The following MGAT4C variants were observed in gnomAD, a reference collection of about 807,000 sequenced individuals.
The protein encoded by MGAT4C is alpha-1,3-mannosyl-glycoprotein 4-beta-N-acetylglucosaminyltransferase C.
Under a neutral mutation model 40.1 loss-of-function variants are expected in MGAT4C, and 19 were observed. That is an observed-to-expected ratio of 0.47 (90% CI 0.33 to 0.70). The LOEUF is 0.70. Among genes scored for constraint, MGAT4C ranks in the 30% least tolerant of loss-of-function variants. The probability of loss-of-function intolerance (pLI) is 0.02; values close to 1 mark genes in which losing one functional copy is unlikely to be tolerated. For synonymous variants in MGAT4C, 181 were observed against 187.1 expected (o/e 0.97, Z 0.27); for missense variants, 491 against 563.2 (o/e 0.87, Z 1.30).
chr12:86,686,428 C>T (rs887760779), intron 2 of MGAT4C, among the ~76,000 whole-genome samples: 3 of 152,106 alleles, frequency 2.0e-5, no homozygotes, highest in Non-Finnish European at 2.9e-5. Context: ...TTCAAAGTGA[C>T]TCCTTCCAGT....
intron 1 of MGAT4C, among the ~76,000 whole-genome samples, chr12:86,207,090 C>T (rs1950285746): frequency 1.5e-5 from 2 of 137,342 alleles, no homozygotes; most frequent in Admixed American, 1.6e-4. Flanking sequence ...TAAACAGAAC[C>T]TATGTTGGAC....
intron 2 of MGAT4C, among the ~76,000 whole-genome samples, chr12:86,574,701 A>T (rs1960494037): frequency 6.6e-6 from 1 of 151,790 alleles, no homozygotes; most frequent in African/African-American, 2.4e-5. Context: ...TCCTCATTTA[A>T]GCTAGTAATA....
intron 2 of MGAT4C, among the ~76,000 whole-genome samples, chr12:86,707,584 G>A (rs897212500): frequency 1.3e-5 from 2 of 150,156 alleles, no homozygotes; most frequent in Non-Finnish European, 1.5e-5. Context: ...ATGCTGAAGT[G>A]CAGTGGCACA....
At position 85,958,801 on chromosome 12, in the gene MGAT4C, T is replaced by TC. The variant is rs1272616089; in HGVS notation, c.*20487dup. 3 of 152,068 alleles carry TC rather than the reference T, an allele frequency of 2.0e-5. No individual in the cohort carries two copies. The highest frequency in any genetic ancestry group is 4.4e-5 in the Non-Finnish European group (3 of 67,990). The allele number at this position is 152,068 out of a possible 1,614,324, so 9.4% of individuals were successfully genotyped here. On this transcript the variant is annotated 3_prime_UTR_variant, in exon 5 of 5. Coordinates refer to ENST00000611864, the MANE Select transcript of MGAT4C (RefSeq NM_001351288.2). Reference sequence around the variant, plus strand: ...AGCTCCTTCAAAAACATAAATGTATTCTTTAGAGAGTTAAAAAAAGTAGCA... The same window carrying TC: ...AGCTCCTTCAAAAACATAAATGTATTCCTTTAGAGAGTTAAAAAAAGTAGCA...
At chr12:86,355,984 G>A (rs891933716) in intron 3 of MGAT4C, among the ~76,000 whole-genome samples, 3 of 151,968 alleles carry the variant, frequency 2.0e-5, no homozygotes, top group Non-Finnish European at 4.4e-5. Flanking sequence ...CCACAAAGAG[G>A]GGGTTGCATA....
chr12:86,029,538 T>C (rs911107841), intron 2 of MGAT4C, among the ~76,000 whole-genome samples: 2 of 151,976 alleles, frequency 1.3e-5, no homozygotes, highest in African/African-American at 4.8e-5. Context: ...CACAATTTCC[T>C]GCCTTAAAGA....
chr12:86,515,708 C>T (rs952061622), intron 2 of MGAT4C, among the ~76,000 whole-genome samples: 1 of 151,674 alleles, frequency 6.6e-6, no homozygotes, highest in African/African-American at 2.4e-5. Flanking sequence ...TGGCAATACT[C>T]CTAAATTGTT....
At chr12:86,352,515 A>G (rs1955185792) in intron 3 of MGAT4C, among the ~76,000 whole-genome samples, 1 of 152,066 alleles carries the variant, frequency 6.6e-6, no homozygotes, top group Non-Finnish European at 1.5e-5. Flanking sequence ...AGATTGATTT[A>G]TTTTCAATTA....
At chr12:86,359,916 T>C (rs1955418053) in intron 3 of MGAT4C, among the ~76,000 whole-genome samples, 1 of 152,192 alleles carries the variant, frequency 6.6e-6, no homozygotes, top group Admixed American at 6.5e-5. Context: ...GAGGAGCTGG[T>C]ACCATTCCTT....
chr12:86,798,377 A>G (rs760809870), intron 1 of MGAT4C, among the ~76,000 whole-genome samples: 9 of 151,886 alleles, frequency 5.9e-5, no homozygotes, highest in Non-Finnish European at 1.3e-4. Context: ...TTTCGACTTA[A>G]TGTTCTAGAT....
intron 3 of MGAT4C, among the ~76,000 whole-genome samples, chr12:86,360,209 A>T (rs2136200727): frequency 6.6e-6 from 1 of 152,318 alleles, no homozygotes; most frequent in East Asian, 1.9e-4. Flanking sequence ...GTAATCCATC[A>T]TAAAAACAGA....
intron 1 of MGAT4C, among the ~76,000 whole-genome samples, chr12:86,193,629 G>C (rs1309012331): frequency 1.3e-5 from 2 of 151,794 alleles, no homozygotes; most frequent in Non-Finnish European, 2.9e-5. Context: ...TTTTCTTTTA[G>C]GTACAGCATT....
At chr12:86,459,661 C>A (rs1309417564) in intron 2 of MGAT4C, among the ~76,000 whole-genome samples, 12 of 110,222 alleles carry the variant, frequency 1.1e-4, no homozygotes, top group Non-Finnish European at 1.8e-4. Flanking sequence ...CCCCCCCAAC[C>A]TTCCCCGCCC....
rs140532367 is a variant in MGAT4C, at chr12:86,744,518, G to A, written c.-261-17277C>T. Among the ~76,000 whole-genome samples the A allele has an allele frequency of 1.5e-3, 220 of 151,534 alleles. 3 individuals are homozygous for A. The highest frequency in any genetic ancestry group is 3.7e-3 in the African/African-American group (155 of 41,426). On this transcript the variant is annotated intron_variant, in intron 1 of 7. Coordinates refer to the MGAT4C transcript ENST00000548651. ...ACATTTTGGTTCATCTAAAACTCCA[G>A]TGGAACTCTGCCTCTCCGTGGATTG...
chr12:86,555,386 T>C (rs1168393002), intron 2 of MGAT4C, among the ~76,000 whole-genome samples: 1 of 152,034 alleles, frequency 6.6e-6, no homozygotes, highest in Non-Finnish European at 1.5e-5. Context: ...AAAAGCTGAG[T>C]ATTGGGAGAA....
At chr12:85,999,536 T>G (rs531923550) in intron 2 of MGAT4C, among the ~76,000 whole-genome samples, 3 of 151,056 alleles carry the variant, frequency 2.0e-5, no homozygotes, top group Non-Finnish European at 2.9e-5. Context: ...TCAACAGAAG[T>G]GCCATATGCA....
chr12:86,637,584 T>C (rs914527718), intron 2 of MGAT4C, among the ~76,000 whole-genome samples: 7 of 151,942 alleles, frequency 4.6e-5, no homozygotes, highest in African/African-American at 1.7e-4. Context: ...CTCTTTGACT[T>C]AGGAGGATAT....
chr12:86,133,787 C>A (rs1350783909), intron 1 of MGAT4C, among the ~76,000 whole-genome samples: 4 of 152,000 alleles, frequency 2.6e-5, no homozygotes, highest in Non-Finnish European at 5.9e-5. Flanking sequence ...GTAAAAATAT[C>A]TGTAAGAATT....
At chr12:86,426,204 G>A (rs917838271) in intron 3 of MGAT4C, among the ~76,000 whole-genome samples, 4 of 152,108 alleles carry the variant, frequency 2.6e-5, no homozygotes, top group East Asian at 1.9e-4. Flanking sequence ...TTGACTCTTC[G>A]GGTAAAATCT....
Sources: gnomAD v4.1 joint callset for allele counts (sites outside exome capture counted in the v4.1 genomes callset) on GRCh38, gnomAD v4.1.1 for gene constraint, MANE v1.5 for transcripts, NCBI Gene and HGNC (gene_info 2026-07-23, HGNC 2026-07-21) for gene names.